Variants in TNS1 observed in about 807,000 individuals in gnomAD.
TNS1 encodes tensin 1, also known as tensin-1.
In TNS1, 62 loss-of-function variants were observed where a neutral mutation model predicts 168.6. That is an observed-to-expected ratio of 0.37 (90% CI 0.30 to 0.45). TNS1 has a LOEUF of 0.45. Among genes scored for constraint, TNS1 ranks in the 20% least tolerant of loss-of-function variants. The pLI is 1.00. For synonymous variants in TNS1, 934 were observed against 933.2 expected, an observed-to-expected ratio of 1.00 and a Z score of -0.02; for missense variants, 2,240 against 2,339.4, an observed-to-expected ratio of 0.96 and a Z score of 0.88.
rs190940101 is a variant in TNS1 at position 217,952,667 on chromosome 2, C to G, written c.186+26098G>C. Among the ~76,000 whole-genome samples, 442 of 152,306 alleles carry G rather than the reference C, an allele frequency of 2.9e-3. 1 individual carries two copies. Among genetic ancestry groups the G allele is most frequent in the Admixed American group, 7.6e-3 (116 of 15,290 alleles). ...AACTCGGATGGCGTGGACACTTGAC[C>G]TTTACGCTGGTAGGCTTCAAGGTGG... On this transcript the variant is annotated intron_variant, in intron 3 of 32. Coordinates refer to ENST00000682258, the MANE Select transcript of TNS1 (RefSeq NM_001387777.1).
chr2:217,855,395 C>T (rs998990157), intron 18 of TNS1, among the ~76,000 whole-genome samples: 1 of 152,198 alleles, frequency 6.6e-6, no homozygotes, highest in Non-Finnish European at 1.5e-5. Flanking sequence ...CTTAATCTAA[C>T]TTCTTCCCTA....
At chr2:217,897,777 G>T (rs1402172274) in intron 8 of TNS1, 21 bp downstream of exon 8, 1 of 1,574,198 alleles carries the variant, frequency 6.4e-7, no homozygotes, top group South Asian at 1.2e-5. Context: ...CAGGACAGTG[G>T]GCACGAGGAT....
chr2:217,879,491 C>A, intron 18 of TNS1: 1 of 445,326 alleles, frequency 2.2e-6, no homozygotes. Flanking sequence ...GGTGTCTTGG[C>A]CAATCTGAGG....
chr2:217,860,832 T>A (rs578165374), intron 18 of TNS1, among the ~76,000 whole-genome samples: 1 of 152,302 alleles, frequency 6.6e-6, no homozygotes, highest in African/African-American at 2.4e-5. Flanking sequence ...GACCATACTT[T>A]GGAACCTGAA....
chr2:217,900,759 G>A (rs997453736), intron 6 of TNS1: 16 of 550,084 alleles, frequency 2.9e-5, no homozygotes, highest in African/African-American at 2.7e-4. Context: ...CCCGAATGCT[G>A]AGGAGTGCAC....
At chr2:217,924,257 A>T (rs1955889674) in intron 3 of TNS1, among the ~76,000 whole-genome samples, 1 of 151,648 alleles carries the variant, frequency 6.6e-6, no homozygotes, top group African/African-American at 2.4e-5. Context: ...CTTTGGCTTA[A>T]ATGTCACCAC....
chr2:217,805,585 A>G (rs1012072501), intron 32 of TNS1, among the ~76,000 whole-genome samples: 1 of 342 alleles, frequency 2.9e-3, no homozygotes, highest in African/African-American at 0.019. Context: ...CACACACACA[A>G]CACACACCAC....
chr2:217,966,309 G>GTGTAAGGAGA (rs1957635133), intron 3 of TNS1, among the ~76,000 whole-genome samples: 1 of 122,192 alleles, frequency 8.2e-6, no homozygotes, highest in Admixed American at 7.6e-5. Context: ...GTGTGTGTGT[G>GTGTAAGGAGA]CGCGCGCGCG....
At position 217,893,506 on chromosome 2, in the gene TNS1, C is replaced by T; in HGVS notation, c.650G>A (p.Ser217Asn). 3 of 1,613,560 alleles carry T rather than the reference C, an allele frequency of 1.9e-6. No individual in the cohort carries two copies. Among genetic ancestry groups the T allele is most frequent in the Non-Finnish European group, 2.5e-6 (3 of 1,179,808 alleles). Residue 217 changes from serine (S) to asparagine (N), a missense_variant, in exon 10 of 33, where the codon AGC becomes AAC. This residue lies in a region of TNS1 where 2,131 missense variants were observed against 2,171.2 expected (regional missense o/e 0.98). Transcript: ENST00000682258. The part of the protein sequence containing the change: ...LHTPALEKIC[S>N]ICKAMDTWLN... Reference sequence around the variant, plus strand: ...CCATGTGTCCATGGCCTTACAGATGCTGCAGATCTTCTCCAGGGCTGGGGT... The same window carrying T: ...CCATGTGTCCATGGCCTTACAGATGTTGCAGATCTTCTCCAGGGCTGGGGT...
intron 18 of TNS1, among the ~76,000 whole-genome samples, chr2:217,862,917 C>A (rs559280952): frequency 6.6e-6 from 1 of 152,326 alleles, no homozygotes; most frequent in African/African-American, 2.4e-5. Context: ...GTAGGTCAAG[C>A]AAATGCCCCC....
intron 18 of TNS1, among the ~76,000 whole-genome samples, chr2:217,879,815 G>C (rs1460609943): frequency 2.0e-5 from 3 of 152,216 alleles, no homozygotes; most frequent in Admixed American, 6.5e-5. Context: ...AGGCCCCCAG[G>C]CCTACCTATC....
At position 217,986,786 on chromosome 2, in the gene TNS1, A is replaced by G. The variant is rs1454644528; in HGVS notation, c.148+4156T>C. 6.6e-6 allele frequency: 1 copy of G among 152,036 alleles called. No individual in the cohort carries two copies. The highest frequency in any genetic ancestry group is 1.9e-4 in the East Asian group (1 of 5,186). 9.4% of individuals were successfully genotyped at this position (152,036 alleles called of 1,614,324 possible). A position where few individuals can be genotyped will look rare whatever the true frequency, so the allele number is the denominator to read the frequency against. ...ACGCACGCACGCACGTACCTGTGTC[A>G]GCTTTGGTACCGTGCTCCATGATTG... is the stretch of plus-strand genomic sequence containing the variant. On this transcript the variant is annotated intron_variant, in intron 2 of 32. Coordinates refer to ENST00000682258, the MANE Select transcript of TNS1 (RefSeq NM_001387777.1). This position sits in a 1 kb window ranked among gnomAD's most constrained non-coding sequence, Gnocchi z 4.7.
At chr2:217,858,512 G>C (rs1574843433) in intron 18 of TNS1, 2 of 986,068 alleles carry the variant, frequency 2.0e-6, no homozygotes, top group East Asian at 2.3e-4. Flanking sequence ...GAGGGAGGGA[G>C]AGGGAGGAAG....
intron 18 of TNS1, chr2:217,850,628 C>A (rs56391849): frequency 1.0e-6 from 1 of 958,932 alleles, no homozygotes; most frequent in Non-Finnish European, 1.2e-6. Context: ...CACACACGCA[C>A]GCACGCACCT....
chr2:217,804,288 CTTT>C lies in TNS1; in HGVS notation c.*168_*170del. On this transcript the variant is annotated 3_prime_UTR_variant, in exon 33 of 33. Transcript: ENST00000682258. ...TCTCTCTCTCTCTCTCTCTCTCTCT[CTTT>C]TCCCCCTCCCCTCTGCAATTCACTT... 3 of 682,226 alleles carry C rather than the reference CTTT, an allele frequency of 4.4e-6. No individual in the cohort carries two copies. Among genetic ancestry groups the C allele is most frequent in the East Asian group, 2.9e-5 (1 of 34,116 alleles). The allele number at this position is 682,226 out of a possible 1,614,324, so 42.3% of individuals were successfully genotyped here.
intron 3 of TNS1, among the ~76,000 whole-genome samples, chr2:217,939,545 G>A (rs1002463470): frequency 6.6e-6 from 1 of 152,248 alleles, no homozygotes. Context: ...CTCTGCAGGA[G>A]AAGATGAAGG....
chr2:217,969,229 A>G (rs1957721066), intron 3 of TNS1, among the ~76,000 whole-genome samples: 2 of 152,226 alleles, frequency 1.3e-5, no homozygotes, highest in African/African-American at 4.8e-5. Context: ...TGGGGAAAGA[A>G]TGATCTTTTC....
At chr2:217,891,082 C>T in intron 11 of TNS1, 37 bp from the exon 12 acceptor site, 1 of 1,610,048 alleles carries the variant, frequency 6.2e-7, no homozygotes. Context: ...GAGGCAACTC[C>T]TGCATCCAAG....
At chr2:217,826,394 A>C (rs544750898) in intron 22 of TNS1, among the ~76,000 whole-genome samples, 135 of 152,094 alleles carry the variant, frequency 8.9e-4, no homozygotes, top group Non-Finnish European at 1.6e-3. Context: ...CCCCAGGACA[A>C]TATACTTCTA....
Sources: allele counts gnomAD v4.1 joint callset (sites outside exome capture counted in the v4.1 genomes callset), GRCh38; gene constraint gnomAD v4.1.1; regional missense constraint gnomAD v4.1.1; non-coding constraint Gnocchi (gnomAD v3.1); transcripts MANE v1.5; gene names NCBI Gene and HGNC (gene_info 2026-07-23, HGNC 2026-07-21).